Variants in SH2B1 observed in about 807,000 individuals in gnomAD.
SH2B1 encodes SH2B adapter protein 1.
In SH2B1, 15 loss-of-function variants were observed where a neutral mutation model predicts 62.6. The ratio of observed to expected loss-of-function variants is 0.24; its 90% CI spans 0.16 to 0.37. The LOEUF (loss-of-function observed/expected upper bound fraction) is 0.37. Among genes scored for constraint, SH2B1 ranks in the 10% least tolerant of loss-of-function variants. SH2B1 has a pLI of 1.00. For synonymous variants in SH2B1, 443 were observed against 438.0 expected (o/e 1.01, Z -0.14); for missense variants, 925 against 1,015.6 (o/e 0.91, Z 1.21).
chr16:28,866,835 G>A lies in SH2B1; in HGVS notation c.741G>A (p.Val247=), dbSNP rs1962738433. 1.9e-6 allele frequency: 3 copies of A among 1,599,812 alleles called. No homozygotes were observed. Among genetic ancestry groups the A allele is most frequent in the African/African-American group, 2.7e-5 (2 of 74,702 alleles). ...GGALKDGAGM[V]QREELLSFMG... Reference sequence around the variant, plus strand: ...CCTTGAAGGATGGAGCAGGGATGGTGCAGAGGGAAGAGCTGCTGAGTTTCA... The same window carrying A: ...CCTTGAAGGATGGAGCAGGGATGGTACAGAGGGAAGAGCTGCTGAGTTTCA... The change falls in exon 1 of 8, where the codon GTG becomes GTA. Residue 247 remains valine (V), a synonymous_variant. Coordinates refer to ENST00000684370, the MANE Select transcript of SH2B1 (RefSeq NM_001387430.1). The surrounding 1 kb of genome is among the most constrained non-coding windows in gnomAD (Gnocchi z 6.3).
chr16:28,872,031 T>C lies in SH2B1; in HGVS notation c.1513+48T>C. Reference sequence around the variant, plus strand: ...TGTCTCCAGGCCTGGGTGCCTACCTTCCTGACCACCTCTCCTGGGATCCCG... The same window carrying C: ...TGTCTCCAGGCCTGGGTGCCTACCTCCCTGACCACCTCTCCTGGGATCCCG... On this transcript the variant is annotated intron_variant, in intron 5 of 7. Transcript: ENST00000684370. The surrounding 1 kb of genome is among the most constrained non-coding windows in gnomAD (Gnocchi z 5.3). 1 of 1,358,936 alleles carries C rather than the reference T, an allele frequency of 7.4e-7. No individual in the cohort carries two copies. Among genetic ancestry groups the C allele is most frequent in the Non-Finnish European group, 1.1e-6 (1 of 949,284 alleles). The allele number at this position is 1,358,936 out of a possible 1,614,324, so 84.2% of individuals were successfully genotyped here.
At chr16:28,852,761 T>TATATATACATATATATATTTAC (rs1962183639) in intron 1 of SH2B1, among the ~76,000 whole-genome samples, 3 of 29,910 alleles carry the variant, frequency 1.0e-4, no homozygotes, top group South Asian at 4.9e-3. Flanking sequence ...TATATATGTA[T>TATATATACATATATATATTTAC]ATATATATTT....
chr16:28,848,106 G>A (rs1490493489), intron 1 of SH2B1, among the ~76,000 whole-genome samples: 1 of 151,722 alleles, frequency 6.6e-6, no homozygotes, highest in African/African-American at 2.4e-5. Flanking sequence ...GACTACAGGC[G>A]TGAGCTACCA....
chr16:28,863,951 A>C lies in SH2B1; in HGVS notation c.-2144A>C. 5 of 1,447,226 alleles carry C rather than the reference A, an allele frequency of 3.5e-6. No individual in the cohort carries two copies. Among genetic ancestry groups the C allele is most frequent in the Non-Finnish European group, 4.5e-6 (5 of 1,106,880 alleles). The allele number at this position is 1,447,226 out of a possible 1,614,324, so 89.6% of individuals were successfully genotyped here. On this transcript the variant is annotated 5_prime_UTR_variant, in exon 1 of 8. Transcript: ENST00000684370. The stretch of plus-strand genomic sequence containing the variant: ...CCTCGGGGACCGAGATGCAGGTGGG[A>C]CCGGAACCGGAACCCCCCTCTTCAA...
At chr16:28,863,796 T>C, upstream of SH2B1, 1 of 1,535,514 alleles carries the variant, frequency 6.5e-7, no homozygotes, top group South Asian at 1.2e-5. Flanking sequence ...CTGTTCTCTA[T>C]GGTCTCTTCC....
Position 28,866,167 on chromosome 16 carries a change from A to G in SH2B1, c.73A>G (p.Ser25Gly). 1 of 1,531,882 alleles carries G rather than the reference A, an allele frequency of 6.5e-7. No individual in the cohort carries two copies. Among genetic ancestry groups the G allele is most frequent in the Non-Finnish European group, 8.8e-7 (1 of 1,140,620 alleles). 94.9% of individuals were successfully genotyped at this position (1,531,882 alleles called of 1,614,324 possible). The change falls in exon 1 of 8, where the codon AGT (serine) becomes GGT (glycine). Residue 25 changes from serine to glycine, a missense_variant. This residue lies in a region of SH2B1 where 683 missense variants were observed against 704.0 expected (regional missense o/e 0.97). Coordinates refer to ENST00000684370, the MANE Select transcript of SH2B1 (RefSeq NM_001387430.1). This position sits in a 1 kb window ranked among gnomAD's most constrained non-coding sequence, Gnocchi z 6.3. Reference sequence around the variant, plus strand: ...CCCGCTGCCCCCACCCCCGCCCCCTAGTTGGCGGGAGTTCTGTGAGTCCCA... The same window carrying G: ...CCCGCTGCCCCCACCCCCGCCCCCTGGTTGGCGGGAGTTCTGTGAGTCCCA... The part of the protein sequence containing the change: ...SPPLPPPPPP[S>G]WREFCESHAR...
chr16:28,858,943 C>CAAAA (rs141782037), upstream of SH2B1, among the ~76,000 whole-genome samples: 1 of 104,496 alleles, frequency 9.6e-6, no homozygotes, highest in Admixed American at 9.9e-5. Context: ...GACTGTTTCT[C>CAAAA]AAAAAAAAAA....
chr16:28,873,305 C>G lies in SH2B1; in HGVS notation c.1898-142C>G. 2 of 1,594,978 alleles carry G rather than the reference C, an allele frequency of 1.3e-6. No homozygotes were observed. The highest frequency in any genetic ancestry group is 1.1e-5 in the South Asian group (1 of 90,040). ...TCCTCCTCTCACCACCGCCCATGAT[C>G]CATCTTCCATGGATGGGGGGTTGCT... On this transcript the variant is annotated intron_variant, in intron 7 of 7. Transcript: ENST00000684370. This position sits in a 1 kb window ranked among gnomAD's most constrained non-coding sequence, Gnocchi z 4.2.
intron 1 of SH2B1, among the ~76,000 whole-genome samples, chr16:28,856,513 A>G (rs1376331318): frequency 1.3e-5 from 2 of 152,112 alleles, no homozygotes; most frequent in Non-Finnish European, 2.9e-5. Flanking sequence ...TGGAGGTTAA[A>G]TCATATGATG....
chr16:28,854,672 A>G (rs7187490), intron 1 of SH2B1, among the ~76,000 whole-genome samples: 8,880 of 151,988 alleles, frequency 0.058, 674 homozygotes, highest in African/African-American at 0.17. Flanking sequence ...AGGAGGATCA[A>G]TTCAGCCTGG....
chr16:28,863,739 T>A (rs542573717), upstream of SH2B1: 1 of 1,534,504 alleles, frequency 6.5e-7, no homozygotes, highest in South Asian at 1.2e-5. Flanking sequence ...CGGCGCCGAG[T>A]GGGAGGATGG....
Position 28,866,885 on chromosome 16 carries a change from A to T in SH2B1, c.791A>T (p.Asp264Val), listed in dbSNP as rs1240326581. ...ATGGGGGCTGAGGAGGCAGCCCCTG[A>T]CCCAGCCGGAGTGGGCCGGGGAGGA... ...SFMGAEEAAP[D>V]PAGVGRGGGV... The change falls in exon 1 of 8, where the codon GAC (aspartate) becomes GTC (valine). Residue 264 changes from aspartate (D) to valine (V), a missense_variant. Transcript: ENST00000684370. The surrounding 1 kb of genome is among the most constrained non-coding windows in gnomAD (Gnocchi z 6.3). The T allele has an allele frequency of 6.2e-7, 1 of 1,611,708 alleles. No individual in the cohort carries two copies.
intron 1 of SH2B1, among the ~76,000 whole-genome samples, chr16:28,851,354 C>T (rs1162953802): frequency 6.6e-6 from 1 of 151,928 alleles, no homozygotes. Context: ...TTACTATGTC[C>T]TCTGTCAACA....
chr16:28,873,570 C>T lies in SH2B1; in HGVS notation c.2021C>T (p.Ala674Val), dbSNP rs745727475. Residue 674 changes from alanine (A) to valine (V), a missense_variant, in exon 8 of 8, where the codon GCC becomes GTC. Physicochemically the swap from Ala to Val is moderately conservative, Grantham distance 64. Coordinates refer to ENST00000684370, the MANE Select transcript of SH2B1 (RefSeq NM_001387430.1). This position sits in a 1 kb window ranked among gnomAD's most constrained non-coding sequence, Gnocchi z 4.2. ...GTGGCGGCAGCAGCAGCCGCAGCAG[C>T]CAAAGAGAGGCAAGAGAAAGAGAAA... Reference protein sequence around the residue: ...PEVAAAAAAAAKERQEKEKAG... With the variant: ...PEVAAAAAAAVKERQEKEKAG... 1.3e-6 allele frequency: 2 copies of T among 1,593,528 alleles called. No homozygotes were observed. The highest frequency in any genetic ancestry group is 3.5e-5 in the Admixed American group (2 of 56,438).
At chr16:28,869,431 G>A (rs375924388) in intron 4 of SH2B1, 48 bp downstream of exon 4, 22 of 1,561,012 alleles carry the variant, frequency 1.4e-5, no homozygotes, top group Admixed American at 5.3e-5. Flanking sequence ...CCTGCCATGC[G>A]GGGCCCCTGC....
Position 28,867,438 on chromosome 16 carries a change from A to T in SH2B1, c.1041+6A>T. The T allele has an allele frequency of 6.2e-7, 1 of 1,607,462 alleles. No homozygotes were observed. The highest frequency in any genetic ancestry group is 1.7e-5 in the Admixed American group (1 of 60,014). On this transcript the variant is annotated splice_donor_region_variant and intron_variant, in intron 2 of 7. Coordinates refer to ENST00000684370, the MANE Select transcript of SH2B1 (RefSeq NM_001387430.1). ...AGAACACGTTTGTGGTTAAGGTAGG[A>T]ATTCAACTTCCCAGCCGCCGGCAGT...
chr16:28,864,241 A>G lies in SH2B1; in HGVS notation c.-1854A>G, dbSNP rs1962561829. 19 of 1,018,632 alleles carry G rather than the reference A, an allele frequency of 1.9e-5. No homozygotes were observed. The highest frequency in any genetic ancestry group is 2.2e-5 in the Non-Finnish European group (19 of 850,026). 63.1% of individuals were successfully genotyped at this position (1,018,632 alleles called of 1,614,324 possible). A position where few individuals can be genotyped will look rare whatever the true frequency, so the allele number is the denominator to read the frequency against. On this transcript the variant is annotated 5_prime_UTR_variant, in exon 1 of 8. Coordinates refer to ENST00000684370, the MANE Select transcript of SH2B1 (RefSeq NM_001387430.1). ...ACCCTCCACCTCCCGCCCTTCGGGAAATATCAGAACTGAGCCAGGAGGCAG... is the reference window on the plus strand; with the variant it reads ...ACCCTCCACCTCCCGCCCTTCGGGAGATATCAGAACTGAGCCAGGAGGCAG...
At chr16:28,860,249 A>ATTTT (rs541257161), upstream of SH2B1, among the ~76,000 whole-genome samples, 1 of 131,960 alleles carries the variant, frequency 7.6e-6, no homozygotes, top group Non-Finnish European at 1.6e-5. Flanking sequence ...CACTTCTTGA[A>ATTTT]TTTTTTTTTT....
intron 1 of SH2B1, among the ~76,000 whole-genome samples, chr16:28,847,627 GGGC>G (rs1962006830): frequency 1.3e-5 from 2 of 151,974 alleles, no homozygotes; most frequent in Admixed American, 1.3e-4. Context: ...AGACCAGCCT[GGGC>G]AGATTAGGAG....
Sources: gnomAD v4.1 joint callset for allele counts (sites outside exome capture counted in the v4.1 genomes callset) on GRCh38, gnomAD v4.1.1 for gene constraint, gnomAD v4.1.1 regional missense constraint, Gnocchi (gnomAD v3.1) non-coding constraint, MANE v1.5 for transcripts, NCBI Gene and HGNC (gene_info 2026-07-23, HGNC 2026-07-21) for gene names.